The following ANTXR1 variants were observed in gnomAD, a reference collection of about 807,000 sequenced individuals.
ANTXR1 encodes the protein anthrax toxin receptor 1.
ANTXR1 carries 19 observed loss-of-function variants against 78.1 expected under a neutral mutation model. The ratio of observed to expected loss-of-function variants is 0.24; its 90% CI spans 0.17 to 0.36. The LOEUF (loss-of-function observed/expected upper bound fraction) is 0.36. Among genes scored for constraint, ANTXR1 ranks in the 10% least tolerant of loss-of-function variants. ANTXR1 has a pLI of 1.00. For missense variants in ANTXR1, 518 were observed against 718.6 expected, an observed-to-expected ratio of 0.72 and a Z score of 3.19; for synonymous variants, 273 against 260.5, an observed-to-expected ratio of 1.05 and a Z score of -0.46.
chr2:69,104,659 C>T (rs1454005618), intron 10 of ANTXR1, among the ~76,000 whole-genome samples: 1 of 152,170 alleles, frequency 6.6e-6, no homozygotes, highest in Admixed American at 6.5e-5. Flanking sequence ...GACATCAATA[C>T]CTTCCAAAGA....
chr2:69,199,159 G>A (rs1674720134), intron 17 of ANTXR1, among the ~76,000 whole-genome samples: 1 of 152,216 alleles, frequency 6.6e-6, no homozygotes, highest in Non-Finnish European at 1.5e-5. Context: ...TCTCAAACTT[G>A]AGCATCAGAA....
intron 1 of ANTXR1, among the ~76,000 whole-genome samples, chr2:69,030,762 G>T (rs1010638659): frequency 6.6e-6 from 1 of 152,016 alleles, no homozygotes; most frequent in Non-Finnish European, 1.5e-5. Flanking sequence ...CTCCCAAGGC[G>T]CAATTTTTCC....
intron 16 of ANTXR1, among the ~76,000 whole-genome samples, chr2:69,190,107 CAGA>C (rs1674514706): frequency 6.6e-6 from 1 of 151,872 alleles, no homozygotes; most frequent in Non-Finnish European, 1.5e-5. Flanking sequence ...GGGGGAGGAG[CAGA>C]AGAAGCTGAA....
intron 17 of ANTXR1, among the ~76,000 whole-genome samples, chr2:69,207,366 T>C (rs1346532372): frequency 3.3e-5 from 5 of 152,156 alleles, no homozygotes. Flanking sequence ...TGTTCCCCCA[T>C]GAAAAAACGC....
intron 12 of ANTXR1, among the ~76,000 whole-genome samples, chr2:69,140,359 G>T (rs1243905226): frequency 6.6e-6 from 1 of 152,188 alleles, no homozygotes; most frequent in African/African-American, 2.4e-5. Flanking sequence ...CAACGGATTT[G>T]CTTTGGAAAA....
At chr2:69,228,337 T>TGCCACTCACTGGCAACAATACA (rs1675513363) in intron 17 of ANTXR1, among the ~76,000 whole-genome samples, 1 of 152,184 alleles carries the variant, frequency 6.6e-6, no homozygotes, top group Non-Finnish European at 1.5e-5. Context: ...TTGGGACCCG[T>TGCCACTCACTGGCAACAATACA]GGAAACTTCT....
chr2:69,063,371 C>T (rs1348712628), intron 3 of ANTXR1, among the ~76,000 whole-genome samples: 2 of 151,488 alleles, frequency 1.3e-5, no homozygotes, highest in Admixed American at 6.6e-5. Flanking sequence ...GAATGAAGGT[C>T]CAATATCTTT....
chr2:69,133,483 G>T (rs1214689454), intron 12 of ANTXR1, among the ~76,000 whole-genome samples: 56 of 152,212 alleles, frequency 3.7e-4, no homozygotes, highest in Non-Finnish European at 5.9e-5. Context: ...CTTGAAGAGG[G>T]TTTGAATGAC....
intron 12 of ANTXR1, among the ~76,000 whole-genome samples, chr2:69,142,483 T>A (rs994557531): frequency 1.3e-5 from 2 of 152,198 alleles, no homozygotes; most frequent in African/African-American, 4.8e-5. Context: ...GACAGAGCTA[T>A]GATTATGATA....
intron 5 of ANTXR1, among the ~76,000 whole-genome samples, chr2:69,072,703 TCTG>T (rs370964801): frequency 1.3e-4 from 20 of 152,362 alleles, no homozygotes; most frequent in African/African-American, 4.1e-4. Context: ...CAGTTATGTG[TCTG>T]CTAATAGAAA....
At chr2:69,210,043 G>C (rs1422880628) in intron 17 of ANTXR1, among the ~76,000 whole-genome samples, 1 of 152,204 alleles carries the variant, frequency 6.6e-6, no homozygotes, top group Non-Finnish European at 1.5e-5. Context: ...GATGAGAGGC[G>C]ATGGTGGTAG....
Position 69,071,741 on chromosome 2 carries a change from A to C in ANTXR1, c.379-13A>C. 1 of 1,613,796 alleles carries C rather than the reference A, an allele frequency of 6.2e-7. No homozygotes were observed. The highest frequency in any genetic ancestry group is 8.5e-7 in the Non-Finnish European group (1 of 1,179,752). The stretch of plus-strand genomic sequence containing the variant: ...TGGTTATAAGTCTAAGGGCTCTTTC[A>C]TATGTTTTTCAGGCCAGTGAGCAGA... On this transcript the variant is annotated splice_polypyrimidine_tract_variant and intron_variant, in intron 4 of 17. Coordinates refer to ENST00000303714, the MANE Select transcript of ANTXR1 (RefSeq NM_032208.3).
chr2:69,104,460 A>G (rs1381301530), intron 10 of ANTXR1, among the ~76,000 whole-genome samples: 1 of 152,212 alleles, frequency 6.6e-6, no homozygotes, highest in Non-Finnish European at 1.5e-5. Context: ...CACAGATCCA[A>G]AAAGTACGTG....
In ANTXR1 at chr2:69,019,854, T is replaced by G. The variant is rs117347819; in HGVS notation, c.152+6203T>G. Among the ~76,000 whole-genome samples, 2,400 of 152,268 alleles carry G rather than the reference T, an allele frequency of 0.016. 91 individuals carry two copies. In the East Asian group the frequency reaches 0.17, roughly 11 times the overall value. On this transcript the variant is annotated intron_variant, in intron 1 of 17. Transcript: ENST00000303714. ...CGGTATTTGGTTTTCTGTTTGTGCA[T>G]TAGTTTTCTAAGGATAACAGCCTCC...
chr2:69,188,812 C>T (rs1021988544), intron 16 of ANTXR1, among the ~76,000 whole-genome samples: 4 of 152,210 alleles, frequency 2.6e-5, no homozygotes, highest in Admixed American at 1.3e-4. Context: ...GAAGGATCCT[C>T]TAAGACTTTA....
intron 14 of ANTXR1, among the ~76,000 whole-genome samples, chr2:69,172,027 G>A (rs1251309073): frequency 2.0e-5 from 3 of 152,178 alleles, no homozygotes; most frequent in Non-Finnish European, 4.4e-5. Flanking sequence ...CTCTATCAAA[G>A]GGATAACTCA....
At chr2:69,013,157 T>C (rs1670912884), upstream of ANTXR1, 1 of 117,070 alleles carries the variant, frequency 8.5e-6, no homozygotes, top group Non-Finnish European at 1.6e-5. This position sits in a 1 kb window ranked among gnomAD's most constrained non-coding sequence, Gnocchi z 5.0. Context: ...ATATTTAAAA[T>C]CTGGGACAAA....
At chr2:69,048,220 AT>A (rs1669830879) in intron 3 of ANTXR1, among the ~76,000 whole-genome samples, 1 of 152,176 alleles carries the variant, frequency 6.6e-6, no homozygotes, top group African/African-American at 2.4e-5. Context: ...TTAAAAAAAA[AT>A]AGATGCTCAA....
chr2:69,089,095 C>G (rs1671144838), intron 8 of ANTXR1, among the ~76,000 whole-genome samples: 2 of 152,178 alleles, frequency 1.3e-5, no homozygotes, highest in South Asian at 4.1e-4. Context: ...TTACTTCCAA[C>G]TGCGGAGTCA....
Sources: gnomAD v4.1 joint callset for allele counts (sites outside exome capture counted in the v4.1 genomes callset) on GRCh38, gnomAD v4.1.1 for gene constraint, Gnocchi (gnomAD v3.1) non-coding constraint, MANE v1.5 for transcripts, NCBI Gene and HGNC (gene_info 2026-07-23, HGNC 2026-07-21) for gene names.